RALGAPA1: variants seen among roughly 807,000 people sequenced by gnomAD.
The protein encoded by RALGAPA1 is ral GTPase-activating protein subunit alpha-1.
Under a neutral mutation model 269.6 loss-of-function variants are expected in RALGAPA1, and 52 were observed. The observed-to-expected ratio is 0.19, with a 90% CI of 0.15 to 0.24. The LOEUF is 0.24. Among genes scored for constraint, RALGAPA1 ranks in the 10% least tolerant of loss-of-function variants. The probability of loss-of-function intolerance (pLI) is 1.00; values close to 1 mark genes in which losing one functional copy is unlikely to be tolerated. For synonymous variants in RALGAPA1, 817 were observed against 1,008.3 expected, an observed-to-expected ratio of 0.81 and a Z score of 3.60; for missense variants, 1,917 against 3,013.9, an observed-to-expected ratio of 0.64 and a Z score of 8.52.
In RALGAPA1 at chr14:35,541,529, T is replaced by G. The variant is rs112881360; in HGVS notation, c.*24-1839A>C. Among the ~76,000 whole-genome samples the G allele has an allele frequency of 3.8e-4, 58 of 152,296 alleles. 1 individual carries two copies. Among genetic ancestry groups the G allele is most frequent in the Middle Eastern group, 3.4e-3 (1 of 294 alleles). On this transcript the variant is annotated intron_variant, in intron 41 of 41. Coordinates refer to ENST00000680220, the MANE Select transcript of RALGAPA1 (RefSeq NM_001346249.2). ...AAATACAAGGAGAAGGAAACATATT[T>G]CTGTTCACCTTTACTCTTCCTGAAG...
chr14:35,619,261 AAAG>A (rs1317161181), intron 35 of RALGAPA1, among the ~76,000 whole-genome samples: 1 of 152,198 alleles, frequency 6.6e-6, no homozygotes, highest in Non-Finnish European at 1.5e-5. Context: ...AATGTAACAA[AAAG>A]AATGAATACC....
intron 11 of RALGAPA1, among the ~76,000 whole-genome samples, chr14:35,739,042 A>C (rs1595381196): frequency 2.9e-3 from 1 of 340 alleles, no homozygotes; most frequent in Middle Eastern, 0.5. Flanking sequence ...ATAAATGACA[A>C]AAAAAAAAAG....
At chr14:35,709,476 ATTT>A (rs2068103321) in intron 16 of RALGAPA1, among the ~76,000 whole-genome samples, 1 of 151,990 alleles carries the variant, frequency 6.6e-6, no homozygotes, top group Non-Finnish European at 1.5e-5. Context: ...TTAGCTACAG[ATTT>A]ATTGGTTTTG....
intron 33 of RALGAPA1, among the ~76,000 whole-genome samples, chr14:35,632,464 C>T (rs2061417041): frequency 6.6e-6 from 1 of 152,086 alleles, no homozygotes; most frequent in Non-Finnish European, 1.5e-5. Context: ...CGTACAAAAG[C>T]AGCAAGACAT....
At chr14:35,729,068 A>G (rs955106786) in intron 12 of RALGAPA1, among the ~76,000 whole-genome samples, 2 of 152,148 alleles carry the variant, frequency 1.3e-5, no homozygotes, top group African/African-American at 4.8e-5. Context: ...AGAAGCTTTA[A>G]TAACTCTATT....
intron 6 of RALGAPA1, among the ~76,000 whole-genome samples, chr14:35,759,775 G>A (rs982103955): frequency 6.6e-6 from 1 of 151,834 alleles, no homozygotes; most frequent in Non-Finnish European, 1.5e-5. Context: ...AGCTGGGCAT[G>A]GTGGCACACA....
At chr14:35,699,511 G>T (rs1437720596) in intron 17 of RALGAPA1, among the ~76,000 whole-genome samples, 3 of 152,036 alleles carry the variant, frequency 2.0e-5, no homozygotes, top group African/African-American at 7.2e-5. Flanking sequence ...CCAGTACTGG[G>T]GACCAACGAC....
At chr14:35,688,350 G>A in intron 18 of RALGAPA1, 109 bp downstream of exon 18, 2 of 1,229,140 alleles carry the variant, frequency 1.6e-6, no homozygotes, top group African/African-American at 3.0e-5. Context: ...CAGAGAGAAA[G>A]CAGTGACCAT....
intron 6 of RALGAPA1, among the ~76,000 whole-genome samples, chr14:35,757,816 C>T (rs2073320511): frequency 6.6e-6 from 1 of 152,112 alleles, no homozygotes; most frequent in Non-Finnish European, 1.5e-5. Flanking sequence ...ACCTGACTCC[C>T]AATAAATATC....
intron 37 of RALGAPA1, 36 bp downstream of exon 37, chr14:35,595,598 G>A (rs762149078): frequency 9.6e-6 from 15 of 1,562,360 alleles, no homozygotes; most frequent in Non-Finnish European, 2.6e-6. Context: ...TCTCAATTAT[G>A]AGCATTTTAA....
At chr14:35,605,554 T>C (rs777741712) in intron 36 of RALGAPA1, 32 bp downstream of exon 36, 2 of 1,549,706 alleles carry the variant, frequency 1.3e-6, no homozygotes, top group South Asian at 1.3e-5. Context: ...TGCTTCCAAA[T>C]ATAAATATTT....
chr14:35,679,609 A>G (rs1279530121), intron 21 of RALGAPA1, among the ~76,000 whole-genome samples: 1 of 152,216 alleles, frequency 6.6e-6, no homozygotes, highest in African/African-American at 2.4e-5. Context: ...TGAGTATTTG[A>G]AGTAAGGTTT....
chr14:35,696,963 A>G (rs936128635), intron 17 of RALGAPA1, among the ~76,000 whole-genome samples: 2 of 152,220 alleles, frequency 1.3e-5, no homozygotes, highest in African/African-American at 2.4e-5. Context: ...AAGAAACATC[A>G]GCAATTAAAA....
intron 1 of RALGAPA1, among the ~76,000 whole-genome samples, chr14:35,777,824 C>A (rs1424258641): frequency 2.6e-5 from 4 of 152,030 alleles, no homozygotes; most frequent in African/African-American, 7.2e-5. Flanking sequence ...GCTGGGATTA[C>A]AGGTGTGAGC....
intron 5 of RALGAPA1, among the ~76,000 whole-genome samples, chr14:35,761,901 C>A (rs1030863776): frequency 2.0e-5 from 3 of 152,142 alleles, no homozygotes; most frequent in African/African-American, 7.2e-5. Context: ...TACTTTTATA[C>A]CCAAGCCATG....
chr14:35,753,796 A>G (rs1169376477), intron 7 of RALGAPA1, among the ~76,000 whole-genome samples: 4 of 152,188 alleles, frequency 2.6e-5, no homozygotes, highest in Non-Finnish European at 5.9e-5. Context: ...CTTAAAACAC[A>G]CTGAACTGTA....
Position 35,715,661 on chromosome 14 carries a change from A to G in RALGAPA1, c.2266+6027T>C, listed in dbSNP as rs142492447. 8.3e-4 allele frequency: 746 copies of G among 899,684 alleles called. 6 individuals are homozygous for G. The African/African-American group carries it at 0.012, about 15-fold the overall frequency. The allele number at this position is 899,684 out of a possible 1,614,324, so 55.7% of individuals were successfully genotyped here. On this transcript the variant is annotated intron_variant, in intron 16 of 41. Transcript: ENST00000680220. ...CCTAACTGAGAGTGAATTACTCCAG[A>G]GGTAATTTGTGTTTGCTTGTACAAC... is the stretch of plus-strand genomic sequence containing the variant.
At chr14:35,593,279 C>T (rs2058739744) in intron 37 of RALGAPA1, among the ~76,000 whole-genome samples, 1 of 151,716 alleles carries the variant, frequency 6.6e-6, no homozygotes, top group Non-Finnish European at 1.5e-5. Context: ...AATAAATTAA[C>T]CAAGGAGGTG....
At chr14:35,571,605 C>T (rs895827151) in intron 38 of RALGAPA1, among the ~76,000 whole-genome samples, 3 of 152,020 alleles carry the variant, frequency 2.0e-5, no homozygotes, top group South Asian at 2.1e-4. Flanking sequence ...ACCCGGGAGG[C>T]GGAGGTTGCA....
Sources: allele counts gnomAD v4.1 joint callset (sites outside exome capture counted in the v4.1 genomes callset), GRCh38; gene constraint gnomAD v4.1.1; transcripts MANE v1.5; gene names NCBI Gene and HGNC (gene_info 2026-07-23, HGNC 2026-07-21).